The following IQCF1 variants were observed in gnomAD, a reference collection of about 807,000 sequenced individuals.
The protein encoded by IQCF1 is IQ domain-containing protein F1.
Under a neutral mutation model 12.5 loss-of-function variants are expected in IQCF1, and 9 were observed. That is an observed-to-expected ratio of 0.72 (90% CI 0.43 to 1.26). IQCF1 has a LOEUF of 1.26. IQCF1 is among the 50% of genes most tolerant of loss of function. IQCF1 has a pLI of 0.00. For missense variants in IQCF1, 252 were observed against 257.4 expected (o/e 0.98, Z 0.14); for synonymous variants, 67 against 96.2 (o/e 0.70, Z 1.78).
rs898787800 is a variant in IQCF1, at chr3:51,900,587, G to C, written c.108+2398C>G. Among the ~76,000 whole-genome samples the C allele has an allele frequency of 6.6e-6, 1 of 152,170 alleles. No individual in the cohort carries two copies. Among genetic ancestry groups the C allele is most frequent in the African/African-American group, 2.4e-5 (1 of 41,434 alleles). On this transcript the variant is annotated intron_variant, in intron 2 of 3. Transcript: ENST00000310914. The surrounding 1 kb of genome is among the most constrained non-coding windows in gnomAD (Gnocchi z 4.2). Reference sequence around the variant, plus strand: ...GAATTGGGACCATTTAATCCTGGGAGATTTTGATAAAGACCCCAGTGTCAA... The same window carrying C: ...GAATTGGGACCATTTAATCCTGGGACATTTTGATAAAGACCCCAGTGTCAA...
chr3:51,896,829 T>C lies in IQCF1; in HGVS notation c.171+3A>G. ...CAGCCCTGTGTGGTTTGGGAGGTCA[T>C]ACTTTTTCTGATTTCTCATTGGCAT... On this transcript the variant is annotated splice_donor_region_variant and intron_variant, in intron 3 of 3. Transcript: ENST00000310914. 1.9e-6 allele frequency: 3 copies of C among 1,610,666 alleles called. No individual in the cohort carries two copies. Among genetic ancestry groups the C allele is most frequent in the East Asian group, 4.5e-5 (2 of 44,854 alleles).
chr3:51,896,848 T>A lies in IQCF1; in HGVS notation c.155A>T (p.Asn52Ile), dbSNP rs754921110. 26 of 1,613,330 alleles carry A rather than the reference T, an allele frequency of 1.6e-5. No homozygotes were observed. The South Asian group carries it at 2.7e-4, about 17-fold the overall frequency. The change falls in exon 3 of 4, where the codon AAT becomes ATT. Residue 52 changes from asparagine to isoleucine, a missense_variant. Transcript: ENST00000310914. ...LVETQTVDNANEKSEKPPENQ... is the reference protein window; with the variant it reads ...LVETQTVDNAIEKSEKPPENQ... ...AGGTCATACTTTTTCTGATTTCTCA[T>A]TGGCATTGTCCACTGTCTGTGTCTC...
At chr3:51,897,029 C>G in intron 2 of IQCF1, 135 bp from the exon 3 acceptor site, 1 of 728,186 alleles carries the variant, frequency 1.4e-6, no homozygotes, top group Non-Finnish European at 2.4e-6. Context: ...TCTTTGCCTT[C>G]TACTTTTAAA....
intron 2 of IQCF1, among the ~76,000 whole-genome samples, chr3:51,901,338 GTCATCCAGCTT>G (rs1699073088): frequency 6.6e-6 from 1 of 152,208 alleles, no homozygotes; most frequent in African/African-American, 2.4e-5. Context: ...GCCCCCGAGG[GTCATCCAGCTT>G]CCATCTCCCA....
rs769788183 is a variant in IQCF1, at chr3:51,895,245, A to G, written c.263T>C (p.Leu88Pro). Reference sequence around the variant, plus strand: ...GCAGGCACTGAGGGCTGCGTGCAACAGTGCCCGACGCACCAGGGTGCCCCG... The same window carrying G: ...GCAGGCACTGAGGGCTGCGTGCAACGGTGCCCGACGCACCAGGGTGCCCCG... ...WWRGTLVRRA[L>P]LHAALSACII... Residue 88 changes from leucine (L) to proline (P), a missense_variant, in exon 4 of 4, where the codon CTG becomes CCG. Transcript: ENST00000310914. The surrounding 1 kb of genome is among the most constrained non-coding windows in gnomAD (Gnocchi z 4.8). 6.2e-7 allele frequency: 1 copy of G among 1,613,984 alleles called. No individual in the cohort carries two copies.
At chr3:51,898,750 A>G (rs1699042498) in intron 2 of IQCF1, among the ~76,000 whole-genome samples, 1 of 152,228 alleles carries the variant, frequency 6.6e-6, no homozygotes, top group Non-Finnish European at 1.5e-5. Context: ...GGGGATCTAA[A>G]TCTTAATTAC....
chr3:51,898,559 G>A (rs953369528), intron 2 of IQCF1, among the ~76,000 whole-genome samples: 1 of 151,370 alleles, frequency 6.6e-6, no homozygotes, highest in Non-Finnish European at 1.5e-5. Context: ...AGAAAAATAA[G>A]TTTTAGAGGA....
In IQCF1 at chr3:51,902,085, T is replaced by C. The variant is rs540757891; in HGVS notation, c.108+900A>G. On this transcript the variant is annotated intron_variant, in intron 2 of 3. Transcript: ENST00000310914. ...AGGGTTAAATGAGCCCTTTACAGGA[T>C]GGCTAGAAAAGTGGTTCAGTAAATG... Among the ~76,000 whole-genome samples the C allele has an allele frequency of 3.8e-4, 58 of 152,324 alleles. 1 individual carries two copies. The South Asian group carries it at 9.9e-3, about 26-fold the overall frequency.
chr3:51,895,166 C>T lies in IQCF1; in HGVS notation c.342G>A (p.Arg114=). Residue 114 remains arginine (R), a synonymous_variant, in exon 4 of 4, where the codon CGG becomes CGA. Transcript: ENST00000310914. This position sits in a 1 kb window ranked among gnomAD's most constrained non-coding sequence, Gnocchi z 4.8. ...GGGAGAAGGCCTCTAGCGCTGCCTG[C>T]CGCCTCTTCTTCAGAATCTTGGACA... is the stretch of plus-strand genomic sequence containing the variant. ...LILSKILKKR[R]QAALEAFSRK... is the part of the protein sequence containing the mutation. 1 of 1,614,222 alleles carries T rather than the reference C, an allele frequency of 6.2e-7. No individual in the cohort carries two copies. The highest frequency in any genetic ancestry group is 8.5e-7 in the Non-Finnish European group (1 of 1,180,048).
intron 2 of IQCF1, among the ~76,000 whole-genome samples, chr3:51,902,357 A>T (rs1406493718): frequency 6.6e-6 from 1 of 152,214 alleles, no homozygotes; most frequent in Non-Finnish European, 1.5e-5. Context: ...GCTGTAAGGA[A>T]ATGCAAGAGG....
chr3:51,898,704 A>G (rs7619650), intron 2 of IQCF1, among the ~76,000 whole-genome samples: 27,765 of 152,154 alleles, frequency 0.18, 2,755 homozygotes, highest in African/African-American at 0.2. Flanking sequence ...TTTAACATTA[A>G]CCACTGAAAA....
At chr3:51,902,613 C>T (rs1360691357) in intron 2 of IQCF1, among the ~76,000 whole-genome samples, 2 of 152,152 alleles carry the variant, frequency 1.3e-5, no homozygotes, top group East Asian at 1.9e-4. Context: ...TCCTGCTCCG[C>T]GGTAACCATT....
intron 2 of IQCF1, among the ~76,000 whole-genome samples, chr3:51,899,829 CACTT>C (rs1699054629): frequency 6.6e-6 from 1 of 152,116 alleles, no homozygotes; most frequent in African/African-American, 2.4e-5. Context: ...ATTAATAACA[CACTT>C]AATATAAAGG....
At chr3:51,901,759 G>A (rs1699077997) in intron 2 of IQCF1, among the ~76,000 whole-genome samples, 1 of 152,178 alleles carries the variant, frequency 6.6e-6, no homozygotes, top group Non-Finnish European at 1.5e-5. Context: ...TCAATATTTT[G>A]TTGAGAGACA....
At position 51,895,867 on chromosome 3, in the gene IQCF1, C is replaced by G. The variant is rs1173493089; in HGVS notation, c.172-531G>C. Among the ~76,000 whole-genome samples, 2 of 152,122 alleles carry G rather than the reference C, an allele frequency of 1.3e-5. No individual in the cohort carries two copies. Among genetic ancestry groups the G allele is most frequent in the African/African-American group, 2.4e-5 (1 of 41,422 alleles). On this transcript the variant is annotated intron_variant, in intron 3 of 3. Coordinates refer to ENST00000310914, the MANE Select transcript of IQCF1 (RefSeq NM_152397.3). The surrounding 1 kb of genome is among the most constrained non-coding windows in gnomAD (Gnocchi z 4.8). ...TCTAAGGGGTCTGGGGAGTCATGCCCCACAAATCATAACTTCTCATCAGAT... is the reference window on the plus strand; with the variant it reads ...TCTAAGGGGTCTGGGGAGTCATGCCGCACAAATCATAACTTCTCATCAGAT...
Position 51,894,953 on chromosome 3 carries a change from C to A in IQCF1, c.555G>T (p.Glu185Asp), listed in dbSNP as rs1698981811. The A allele has an allele frequency of 6.2e-7, 1 of 1,614,108 alleles. No individual in the cohort carries two copies. Among genetic ancestry groups the A allele is most frequent in the Non-Finnish European group, 8.5e-7 (1 of 1,180,042 alleles). Residue 185 changes from glutamate (E) to aspartate (D), a missense_variant, in exon 4 of 4, where the codon GAG (glutamate) becomes GAT (aspartate). Transcript: ENST00000310914. ...VTANQLHLQLEILLDSGPCIV... is the reference protein window; with the variant it reads ...VTANQLHLQLDILLDSGPCIV... ...TGCAAGGCCCTGAGTCCAGCAAGAT[C>A]TCCAGCTGGAGATGCAGCTGGTTGG...
At chr3:51,897,551 A>T (rs1423740619) in intron 2 of IQCF1, among the ~76,000 whole-genome samples, 1 of 152,148 alleles carries the variant, frequency 6.6e-6, no homozygotes, top group Non-Finnish European at 1.5e-5. Context: ...ATCAGGACCC[A>T]CCCAGTGTGA....
At position 51,902,953 on chromosome 3, in the gene IQCF1, A is replaced by G. The variant is rs376184327; in HGVS notation, c.108+32T>C. ...CTAGCTACTAGCACTAGGACATGGG[A>G]TCAATGACATCCAAGTCAGGGCTCC... On this transcript the variant is annotated intron_variant, in intron 2 of 3. Coordinates refer to ENST00000310914, the MANE Select transcript of IQCF1 (RefSeq NM_152397.3). 1.0e-4 allele frequency: 155 copies of G among 1,496,208 alleles called. 1 individual carries two copies. Among genetic ancestry groups the G allele is most frequent in the Non-Finnish European group, 1.4e-4 (146 of 1,072,834 alleles). 92.7% of individuals were successfully genotyped at this position (1,496,208 alleles called of 1,614,324 possible). A position where few individuals can be genotyped will look rare whatever the true frequency, so the allele number is the denominator to read the frequency against.
chr3:51,897,911 C>T (rs561069611), intron 2 of IQCF1, among the ~76,000 whole-genome samples: 24 of 152,310 alleles, frequency 1.6e-4, no homozygotes, highest in African/African-American at 5.3e-4. Context: ...CAAGACACCC[C>T]CTGGTTTGAG....
Sources: allele counts gnomAD v4.1 joint callset (sites outside exome capture counted in the v4.1 genomes callset), GRCh38; gene constraint gnomAD v4.1.1; non-coding constraint Gnocchi (gnomAD v3.1); transcripts MANE v1.5; gene names NCBI Gene and HGNC (gene_info 2026-07-23, HGNC 2026-07-21).